The following ADI1 variants were observed in gnomAD, a reference collection of about 807,000 sequenced individuals.
ADI1 encodes the protein acireductone dioxygenase.
In ADI1, 21 loss-of-function variants were observed where a neutral mutation model predicts 18.7. The observed-to-expected ratio is 1.13, with a 90% confidence interval of 0.80 to 1.62. The LOEUF is 1.62. Among genes scored for constraint, ADI1 ranks in the 40% most tolerant of loss-of-function variants. The pLI is 0.00. For synonymous variants in ADI1, 90 were observed against 100.1 expected (o/e 0.90, Z 0.60); for missense variants, 245 against 254.9 (o/e 0.96, Z 0.26).
chr2:3,515,543 C>T (rs1243600653), intron 1 of ADI1: 2 of 152,058 alleles, frequency 1.3e-5, no homozygotes, highest in East Asian at 3.9e-4. Flanking sequence ...GCCCTTTGCC[C>T]TGTGATCTTT....
At chr2:3,514,859 C>T in intron 1 of ADI1, 1 of 1,548,036 alleles carries the variant, frequency 6.5e-7, no homozygotes, top group Non-Finnish European at 8.7e-7. Context: ...AATGGAGGGA[C>T]CGGCTGGAGC....
intron 2 of ADI1, among the ~76,000 whole-genome samples, chr2:3,505,208 GAACA>G (rs1667150220): frequency 6.6e-6 from 1 of 152,334 alleles, no homozygotes; most frequent in South Asian, 2.1e-4. Context: ...AGTAAAAGCA[GAACA>G]AACTGAAAAA....
At chr2:3,513,174 T>C (rs560803525) in intron 2 of ADI1, among the ~76,000 whole-genome samples, 221 of 152,320 alleles carry the variant, frequency 1.5e-3, no homozygotes, top group Non-Finnish European at 2.8e-3. Flanking sequence ...TGTTTTGATT[T>C]TGCAGGCTCA....
intron 1 of ADI1, 88 bp from the exon 2 acceptor site, chr2:3,514,064 A>G: frequency 7.0e-7 from 1 of 1,436,090 alleles, no homozygotes; most frequent in Non-Finnish European, 9.3e-7. Flanking sequence ...ATATGATTTT[A>G]TACTCCAAAT....
At chr2:3,509,466 T>C (rs1194502464) in intron 2 of ADI1, among the ~76,000 whole-genome samples, 1 of 152,108 alleles carries the variant, frequency 6.6e-6, no homozygotes, top group African/African-American at 2.4e-5. Flanking sequence ...ACTCAAATTA[T>C]ACAAAGTTTA....
chr2:3,513,818 A>G, intron 2 of ADI1, 39 bp downstream of exon 2: 2 of 1,569,788 alleles, frequency 1.3e-6, no homozygotes, highest in Non-Finnish European at 1.7e-6. Flanking sequence ...TAGTGAATAT[A>G]ATGATACTTC....
At chr2:3,517,851 C>A (rs1375388335) in intron 1 of ADI1, 4 of 152,018 alleles carry the variant, frequency 2.6e-5, no homozygotes, top group Non-Finnish European at 5.9e-5. Context: ...CAGAGCAGAA[C>A]TAGACGGTAG....
chr2:3,519,165 C>T, intron 1 of ADI1: 1 of 703,782 alleles, frequency 1.4e-6, no homozygotes, highest in Non-Finnish European at 2.0e-6. Context: ...GCAGGAGGCC[C>T]TGACCACCCA....
intron 2 of ADI1, among the ~76,000 whole-genome samples, chr2:3,507,312 C>T (rs1270803036): frequency 2.6e-5 from 4 of 152,172 alleles, no homozygotes; most frequent in Non-Finnish European, 1.5e-5. Context: ...AGACACCACA[C>T]AGATCCAGGA....
intron 2 of ADI1, among the ~76,000 whole-genome samples, chr2:3,503,156 C>T (rs542331614): frequency 6.8e-6 from 1 of 147,488 alleles, no homozygotes; most frequent in South Asian, 2.4e-4. Context: ...CACGTACACG[C>T]TCTCACATGC....
chr2:3,516,874 C>CAT (rs1417215059), intron 1 of ADI1: 1 of 984,998 alleles, frequency 1.0e-6, no homozygotes, highest in Non-Finnish European at 1.2e-6. Flanking sequence ...GGAGATGTTA[C>CAT]ATATATATAA....
chr2:3,507,529 C>T (rs907935674), intron 2 of ADI1, among the ~76,000 whole-genome samples: 18 of 152,012 alleles, frequency 1.2e-4, no homozygotes, highest in Non-Finnish European at 2.2e-4. Flanking sequence ...AACTACCAAC[C>T]TAGCAATCTG....
rs541050590 is a variant in ADI1, at chr2:3,511,514, G to A, written c.240+2343C>T. Among the ~76,000 whole-genome samples, 5 of 152,310 alleles carry A rather than the reference G, an allele frequency of 3.3e-5. No individual in the cohort carries two copies. The South Asian group carries it at 6.2e-4, about 19-fold the overall frequency. On this transcript the variant is annotated intron_variant, in intron 2 of 3. Transcript: ENST00000327435. ...GGCCTCCCCAGAAGCAGATGGTGGT[G>A]ACAGGAAGCACATGCTTCCTGTAGA...
rs192212105 is a variant in ADI1 at position 3,514,975 on chromosome 2, T to A, written c.121-999A>T. The A allele has an allele frequency of 7.5e-5, 100 of 1,337,060 alleles. No individual in the cohort carries two copies. The Admixed American group carries it at 1.5e-3, about 20-fold the overall frequency. 82.8% of individuals were successfully genotyped at this position (1,337,060 alleles called of 1,614,324 possible). On this transcript the variant is annotated intron_variant, in intron 1 of 3. Transcript: ENST00000327435. The stretch of plus-strand genomic sequence containing the variant: ...TGTCTTTAATCTCTTAATCCTGTTA[T>A]CTTCGTAAGCTGAGGATGTATGTCA...
chr2:3,500,770 C>A (rs749368311), intron 3 of ADI1, 44 bp downstream of exon 3: 16 of 1,611,210 alleles, frequency 9.9e-6, no homozygotes. Context: ...ACGGCCAGGG[C>A]CACCACACAG....
chr2:3,502,450 C>CTT (rs35773710), intron 2 of ADI1, among the ~76,000 whole-genome samples: 17 of 130,762 alleles, frequency 1.3e-4, no homozygotes, highest in East Asian at 2.2e-4. Context: ...GGAAATAGCT[C>CTT]TTTTTTTTTT....
intron 3 of ADI1, among the ~76,000 whole-genome samples, chr2:3,499,865 G>A (rs1361894522): frequency 6.6e-6 from 1 of 152,090 alleles, no homozygotes; most frequent in East Asian, 1.9e-4. Context: ...AGGAGTTTGA[G>A]ACCAGCCTGG....
intron 2 of ADI1, among the ~76,000 whole-genome samples, chr2:3,511,096 G>A (rs866655037): frequency 1.3e-5 from 2 of 152,214 alleles, no homozygotes; most frequent in South Asian, 2.1e-4. Context: ...ATGGTTCAGC[G>A]CCACTCCCTT....
At chr2:3,518,491 T>C (rs761697588) in intron 1 of ADI1, among the ~76,000 whole-genome samples, 26 of 152,334 alleles carry the variant, frequency 1.7e-4, no homozygotes, top group Admixed American at 8.5e-4. Flanking sequence ...ACTGGTGCTG[T>C]GCAAGCAACG....
Sources: allele counts gnomAD v4.1 joint callset (sites outside exome capture counted in the v4.1 genomes callset), GRCh38; gene constraint gnomAD v4.1.1; transcripts MANE v1.5; gene names NCBI Gene and HGNC (gene_info 2026-07-23, HGNC 2026-07-21).